The following CELF2 variants were observed in gnomAD, a reference collection of about 807,000 sequenced individuals.
The protein encoded by CELF2 is CUGBP Elav-like family member 2.
In CELF2, 8 loss-of-function variants were observed where a neutral mutation model predicts 62.6. That is an observed-to-expected ratio of 0.13 (90% CI 0.07 to 0.23). The LOEUF is 0.23. Ranked by LOEUF, CELF2 falls within the 10% of genes least tolerant of loss-of-function variation. The pLI is 1.00. For synonymous variants in CELF2, 258 were observed against 250.0 expected, an observed-to-expected ratio of 1.03 and a Z score of -0.30; for missense variants, 333 against 671.0, an observed-to-expected ratio of 0.50 and a Z score of 5.56.
the CELF2 span, among the ~76,000 whole-genome samples, chr10:10,742,237 A>T: frequency 6.6e-6 from 1 of 152,196 alleles, no homozygotes; most frequent in Non-Finnish European, 1.5e-5. Flanking sequence ...CATGTTTCAC[A>T]TAAAGTCATA....
chr10:10,890,971 C>G (rs1414518936), intron 1 of CELF2, among the ~76,000 whole-genome samples: 1 of 152,078 alleles, frequency 6.6e-6, no homozygotes, highest in Non-Finnish European at 1.5e-5. Flanking sequence ...GCCGAGACTG[C>G]AGCATTGCAC....
intron 2 of CELF2, among the ~76,000 whole-genome samples, chr10:10,980,739 A>T (rs2051994220): frequency 6.6e-6 from 1 of 152,134 alleles, no homozygotes; most frequent in Non-Finnish European, 1.5e-5. Flanking sequence ...TCTTTGACCA[A>T]CATCTATAAA....
intron 2 of CELF2, among the ~76,000 whole-genome samples, chr10:10,973,420 G>GGCAT (rs1207588526): frequency 6.6e-6 from 1 of 152,116 alleles, no homozygotes; most frequent in East Asian, 1.9e-4. Context: ...AGAGCTTTGT[G>GGCAT]GCATTTTTAG....
chr10:10,578,141 T>G, the CELF2 span, among the ~76,000 whole-genome samples: 1 of 152,240 alleles, frequency 6.6e-6, no homozygotes, highest in African/African-American at 2.4e-5. Flanking sequence ...ATGTGTCTTT[T>G]GGCTGCATAA....
chr10:11,114,910 T>C (rs1308287919), intron 1 of CELF2, among the ~76,000 whole-genome samples: 10 of 152,232 alleles, frequency 6.6e-5, no homozygotes, highest in Non-Finnish European at 1.5e-4. Context: ...ATTCAGTAGA[T>C]AGCTGATTTT....
Position 11,191,230 on chromosome 10 carries a change from G to A in CELF2, c.271+25548G>A, listed in dbSNP as rs1229699606. ...CTGTCCCTTTTCAGCTTTACAGAGAGGCTTCCTACTTAGATGGTTCTCTCT... is the reference window on the plus strand; with the variant it reads ...CTGTCCCTTTTCAGCTTTACAGAGAAGCTTCCTACTTAGATGGTTCTCTCT... On this transcript the variant is annotated intron_variant, in intron 2 of 12. Coordinates refer to ENST00000633077, the MANE Select transcript of CELF2 (RefSeq NM_001326342.2). This position sits in a 1 kb window ranked among gnomAD's most constrained non-coding sequence, Gnocchi z 4.1. 1.3e-5 allele frequency among the ~76,000 whole-genome samples: 2 copies of A among 152,168 alleles called. No homozygotes were observed. Among genetic ancestry groups the A allele is most frequent in the African/African-American group, 4.8e-5 (2 of 41,432 alleles).
At chr10:10,718,712 A>G in the CELF2 span, among the ~76,000 whole-genome samples, 1 of 151,734 alleles carries the variant, frequency 6.6e-6, no homozygotes, top group Non-Finnish European at 1.5e-5. Context: ...AAGCTACCAG[A>G]CACCATGCTC....
At chr10:11,186,433 T>A (rs1044112420) in intron 2 of CELF2, among the ~76,000 whole-genome samples, 1 of 152,118 alleles carries the variant, frequency 6.6e-6, no homozygotes, top group African/African-American at 2.4e-5. Flanking sequence ...ATTTGAAATC[T>A]TTTTTTCTCC....
chr10:10,468,947 T>C, the CELF2 span, among the ~76,000 whole-genome samples: 1 of 152,126 alleles, frequency 6.6e-6, no homozygotes, highest in East Asian at 1.9e-4. Flanking sequence ...ATCCTTTGTA[T>C]GCCTCAAACT....
intron 3 of CELF2, among the ~76,000 whole-genome samples, chr10:11,241,658 A>G (rs1239823919): frequency 6.6e-6 from 1 of 152,044 alleles, no homozygotes; most frequent in Non-Finnish European, 1.5e-5. Flanking sequence ...TGATGTTCCT[A>G]AGTCACCATC....
At chr10:10,664,786 G>A in the CELF2 span, among the ~76,000 whole-genome samples, 1 of 152,162 alleles carries the variant, frequency 6.6e-6, no homozygotes. Context: ...ATCTTCGTGG[G>A]CAGATCTCCC....
At position 11,290,696 on chromosome 10, in the gene CELF2, C is replaced by T. The variant is rs7910186; in HGVS notation, c.976+2144C>T. Among the ~76,000 whole-genome samples, 4,269 of 152,218 alleles carry T rather than the reference C, an allele frequency of 0.028. 214 individuals are homozygous for T. Among genetic ancestry groups the T allele is most frequent in the African/African-American group, 0.098 (4,058 of 41,510 alleles). On this transcript the variant is annotated intron_variant, in intron 9 of 12. Coordinates refer to ENST00000633077, the MANE Select transcript of CELF2 (RefSeq NM_001326342.2). This position sits in a 1 kb window ranked among gnomAD's most constrained non-coding sequence, Gnocchi z 4.3. ...CTCCCTGCTGGAGTCAAAACCACAC[C>T]AGCGCAGCGTCCTTGCCTTGACTGC...
rs1054659299 is a variant in CELF2, at chr10:11,127,156, G to A, written c.75-38330G>A. On this transcript the variant is annotated intron_variant, in intron 1 of 12. Coordinates refer to ENST00000633077, the MANE Select transcript of CELF2 (RefSeq NM_001326342.2). ...GAGAACATGTGGTGTTTGGTTTTCT[G>A]TCCTTATGATAGTTTGCTCAGAATG... is the stretch of plus-strand genomic sequence containing the variant. 5.3e-5 allele frequency among the ~76,000 whole-genome samples: 8 copies of A among 152,044 alleles called. No individual in the cohort carries two copies. The South Asian group carries it at 8.3e-4, about 16-fold the overall frequency.
Position 11,032,087 on chromosome 10 carries a change from G to A in CELF2, c.74+13924G>A, listed in dbSNP as rs186423449. 2.7e-3 allele frequency among the ~76,000 whole-genome samples: 388 copies of A among 143,128 alleles called. 1 individual carries two copies. The highest frequency in any genetic ancestry group is 7.6e-3 in the Middle Eastern group (2 of 262). The allele number at this position is 143,128 out of a possible 152,430, so 93.9% of individuals were successfully genotyped here. ...GTGCATGCCTTCTTGGGGCAGGTGC[G>A]ATTGCATCCCTGGGACATTATATGT... On this transcript the variant is annotated intron_variant, in intron 1 of 12. Transcript: ENST00000633077.
Position 11,217,931 on chromosome 10 carries a change from C to A in CELF2, c.354+424C>A, listed in dbSNP as rs1261893870. The stretch of plus-strand genomic sequence containing the variant: ...AAAGGACAAAATGTACCCTTTACAG[C>A]CATAATATTAAGCCTCCTAATGGTT... On this transcript the variant is annotated intron_variant, in intron 3 of 12. Coordinates refer to ENST00000633077, the MANE Select transcript of CELF2 (RefSeq NM_001326342.2). The surrounding 1 kb of genome is among the most constrained non-coding windows in gnomAD (Gnocchi z 5.6). 6.6e-6 allele frequency among the ~76,000 whole-genome samples: 1 copy of A among 152,330 alleles called. No individual in the cohort carries two copies. Among genetic ancestry groups the A allele is most frequent in the Admixed American group, 6.5e-5 (1 of 15,300 alleles).
In CELF2 at chr10:11,290,129, C is replaced by G. The variant is rs2092278531; in HGVS notation, c.976+1577C>G. Among the ~76,000 whole-genome samples, 1 of 152,126 alleles carries G rather than the reference C, an allele frequency of 6.6e-6. No homozygotes were observed. The highest frequency in any genetic ancestry group is 1.5e-5 in the Non-Finnish European group (1 of 68,024). On this transcript the variant is annotated intron_variant, in intron 9 of 12. Coordinates refer to ENST00000633077, the MANE Select transcript of CELF2 (RefSeq NM_001326342.2). The surrounding 1 kb of genome is among the most constrained non-coding windows in gnomAD (Gnocchi z 4.3). ...CTAAGATAACTCAAAAATCATATCC[C>G]AAAAGCGCTTTGTGGTGTGAGCAGG...
intron 1 of CELF2, among the ~76,000 whole-genome samples, chr10:11,131,068 G>A (rs1029902699): frequency 5.3e-5 from 8 of 152,202 alleles, no homozygotes; most frequent in Non-Finnish European, 4.4e-5. Context: ...TGAATCACTT[G>A]TATTACATTG....
chr10:10,666,644 C>T, the CELF2 span, among the ~76,000 whole-genome samples: 2 of 76,154 alleles, frequency 2.6e-5, 1 homozygote, highest in Admixed American at 2.4e-4. Context: ...GGGCGGATCA[C>T]GAGGTCAGGA....
In CELF2 at chr10:11,010,418, C is replaced by T. The variant is rs973468698; in HGVS notation, c.53+4978C>T. Reference sequence around the variant, plus strand: ...GGCCTTCTCTCTTCCTTTCCAACTGCCCGTTGTAGGTTTTAACAAAGATAG... The same window carrying T: ...GGCCTTCTCTCTTCCTTTCCAACTGTCCGTTGTAGGTTTTAACAAAGATAG... On this transcript the variant is annotated intron_variant, in intron 1 of 12. Coordinates refer to the CELF2 transcript ENST00000416382. This position sits in a 1 kb window ranked among gnomAD's most constrained non-coding sequence, Gnocchi z 4.1. Among the ~76,000 whole-genome samples, 3 of 152,140 alleles carry T rather than the reference C, an allele frequency of 2.0e-5. No individual in the cohort carries two copies. Among genetic ancestry groups the T allele is most frequent in the African/African-American group, 7.2e-5 (3 of 41,428 alleles).
Sources: allele counts gnomAD v4.1 joint callset (sites outside exome capture counted in the v4.1 genomes callset), GRCh38; gene constraint gnomAD v4.1.1; non-coding constraint Gnocchi (gnomAD v3.1); transcripts MANE v1.5; gene names NCBI Gene and HGNC (gene_info 2026-07-23, HGNC 2026-07-21).